The following KDM4B variants were observed in gnomAD, a reference collection of about 807,000 sequenced individuals.
KDM4B encodes lysine demethylase 4B, also known as lysine-specific demethylase 4B.
A neutral mutation model predicts 125.2 loss-of-function variants in KDM4B; 32 were observed. The ratio of observed to expected loss-of-function variants is 0.26; its 90% CI spans 0.19 to 0.34. The LOEUF (loss-of-function observed/expected upper bound fraction) is 0.34, where lower values mean the gene tolerates loss of function less well. Ranked by LOEUF, KDM4B falls within the 10% of genes least tolerant of loss-of-function variation. The probability of loss-of-function intolerance (pLI) is 1.00; values close to 1 mark genes in which losing one functional copy is unlikely to be tolerated. For missense variants in KDM4B, 1,190 were observed against 1,577.7 expected (o/e 0.75, Z 4.16); for synonymous variants, 721 against 677.9 (o/e 1.06, Z -0.99).
intron 22 of KDM4B, among the ~76,000 whole-genome samples, chr19:5,150,673 G>A (rs553562656): frequency 5.3e-5 from 8 of 152,248 alleles, no homozygotes; most frequent in Non-Finnish European, 1.2e-4. Flanking sequence ...GGGCGATGCC[G>A]TTAATGTGGG....
At chr19:5,002,932 CAG>C (rs927012395) in intron 1 of KDM4B, among the ~76,000 whole-genome samples, 20 of 152,268 alleles carry the variant, frequency 1.3e-4, no homozygotes, top group African/African-American at 4.8e-4. Context: ...GCCTGAGTGA[CAG>C]AGCGAGACCC....
chr19:5,060,508 C>T lies in KDM4B; in HGVS notation c.627-10502C>T, dbSNP rs1476652749. ...CAGCTGCAGTCCCTGTCTCTTCAGACCCTCTGTGCTCTTAGGAGACTGTCG... is the reference window on the plus strand; with the variant it reads ...CAGCTGCAGTCCCTGTCTCTTCAGATCCTCTGTGCTCTTAGGAGACTGTCG... On this transcript the variant is annotated intron_variant, in intron 6 of 22. Transcript: ENST00000159111. 3.3e-5 allele frequency among the ~76,000 whole-genome samples: 5 copies of T among 149,846 alleles called. No homozygotes were observed. In the South Asian group the frequency reaches 8.5e-4, roughly 25 times the overall value.
chr19:5,012,057 T>C (rs115685805), intron 1 of KDM4B, among the ~76,000 whole-genome samples: 353 of 152,324 alleles, frequency 2.3e-3, no homozygotes, highest in African/African-American at 8.0e-3. Flanking sequence ...TCCGATGCCT[T>C]GGGCTGTCAC....
chr19:5,138,744 C>T lies in KDM4B; in HGVS notation c.2550+674C>T, dbSNP rs376496611. Reference sequence around the variant, plus strand: ...GGTTCAGTACAGCATTCACCACGGGCCCAGTGGTGGGCAGCAGGGCTCTGC... The same window carrying T: ...GGTTCAGTACAGCATTCACCACGGGTCCAGTGGTGGGCAGCAGGGCTCTGC... On this transcript the variant is annotated intron_variant, in intron 18 of 22. Coordinates refer to ENST00000159111, the MANE Select transcript of KDM4B (RefSeq NM_015015.3). Among the ~76,000 whole-genome samples, 19 of 152,270 alleles carry T rather than the reference C, an allele frequency of 1.2e-4. 2 individuals carry two copies. Among genetic ancestry groups the T allele is most frequent in the South Asian group, 4.1e-4 (2 of 4,826 alleles).
At position 5,025,942 on chromosome 19, in the gene KDM4B, G is replaced by A. The variant is rs2036264327; in HGVS notation, c.-25-6924G>A. Among the ~76,000 whole-genome samples, 6 of 151,786 alleles carry A rather than the reference G, an allele frequency of 4.0e-5. 1 individual carries two copies. The highest frequency in any genetic ancestry group is 3.9e-4 in the Admixed American group (6 of 15,256). ...TCGTTGCCCAGGCTGGAGTGCAATG[G>A]CACTATCTCGGCTCAATGCAACCTC... On this transcript the variant is annotated intron_variant, in intron 2 of 22. Coordinates refer to ENST00000159111, the MANE Select transcript of KDM4B (RefSeq NM_015015.3).
chr19:4,976,205 C>T (rs564271601), intron 1 of KDM4B, among the ~76,000 whole-genome samples: 1 of 146,066 alleles, frequency 6.8e-6, no homozygotes, highest in South Asian at 2.2e-4. Context: ...GCTGAGATCA[C>T]GTCACTGCAC....
intron 6 of KDM4B, among the ~76,000 whole-genome samples, chr19:5,063,915 C>T (rs1210247272): frequency 1.3e-5 from 2 of 152,208 alleles, no homozygotes; most frequent in African/African-American, 2.4e-5. Flanking sequence ...CTTTAGCTGG[C>T]TCCGGGACTG....
At chr19:4,973,054 A>G (rs761807004) in intron 1 of KDM4B, among the ~76,000 whole-genome samples, 29 of 152,168 alleles carry the variant, frequency 1.9e-4, no homozygotes, top group Admixed American at 3.3e-4. Flanking sequence ...CCCAGTCACC[A>G]TAGCCCTGAC....
chr19:5,146,756 C>CA (rs1248201804), intron 21 of KDM4B, among the ~76,000 whole-genome samples: 2 of 62,526 alleles, frequency 3.2e-5, no homozygotes, highest in African/African-American at 6.9e-5. Flanking sequence ...GTGAGACCCC[C>CA]CCCCCCCCCA....
intron 9 of KDM4B, among the ~76,000 whole-genome samples, chr19:5,083,085 C>T (rs2038354377): frequency 6.6e-6 from 1 of 152,198 alleles, no homozygotes; most frequent in Admixed American, 6.5e-5. Context: ...CGTGGGAAGA[C>T]TCACAGTGAG....
chr19:5,070,866 C>T, intron 6 of KDM4B, 144 bp from the exon 7 acceptor site: 3 of 708,550 alleles, frequency 4.2e-6, no homozygotes, highest in Admixed American at 6.2e-5. Flanking sequence ...CCCCGGCCAT[C>T]CCCTCCACAC....
At chr19:5,108,042 G>A (rs1157976001) in intron 9 of KDM4B, among the ~76,000 whole-genome samples, 2 of 152,352 alleles carry the variant, frequency 1.3e-5, no homozygotes, top group East Asian at 3.9e-4. Context: ...CCTGGAGCAG[G>A]GGATGCATCT....
intron 9 of KDM4B, among the ~76,000 whole-genome samples, chr19:5,097,065 G>A (rs1214840838): frequency 3.3e-5 from 5 of 152,178 alleles, no homozygotes; most frequent in Admixed American, 6.5e-5. Flanking sequence ...AACAAGGCAC[G>A]TGCCCCATGG....
intron 10 of KDM4B, among the ~76,000 whole-genome samples, chr19:5,116,195 G>A (rs2039250842): frequency 8.1e-6 from 1 of 123,436 alleles, no homozygotes; most frequent in African/African-American, 3.1e-5. Flanking sequence ...GAGGCCCAGA[G>A]TTCGAGGTCA....
chr19:4,984,791 C>T (rs780969374), intron 1 of KDM4B, among the ~76,000 whole-genome samples: 6 of 152,106 alleles, frequency 3.9e-5, no homozygotes, highest in Non-Finnish European at 8.8e-5. Context: ...CAGAGGTGTC[C>T]CTGCTGTAAC....
rs1033273420 is a variant in KDM4B, at chr19:5,081,997, A to T, written c.781-370A>T. On this transcript the variant is annotated intron_variant, in intron 8 of 22. Transcript: ENST00000159111. The surrounding 1 kb of genome is among the most constrained non-coding windows in gnomAD (Gnocchi z 4.2). ...AAGCAGGAGGCCCCCATCGCTCCCC[A>T]TGAAGGTCCGGCTGGAGACACCCCC... Among the ~76,000 whole-genome samples, 2 of 152,072 alleles carry T rather than the reference A, an allele frequency of 1.3e-5. No individual in the cohort carries two copies. Among genetic ancestry groups the T allele is most frequent in the Non-Finnish European group, 2.9e-5 (2 of 67,992 alleles).
At chr19:4,973,496 A>G (rs2034331898) in intron 1 of KDM4B, among the ~76,000 whole-genome samples, 1 of 152,130 alleles carries the variant, frequency 6.6e-6, no homozygotes, top group South Asian at 2.1e-4. Context: ...GCCAAGTTGC[A>G]CATACTTTTA....
chr19:5,136,548 G>A lies in KDM4B; in HGVS notation c.2309-714G>A, dbSNP rs372790201. Among the ~76,000 whole-genome samples, 27 of 152,274 alleles carry A rather than the reference G, an allele frequency of 1.8e-4. No homozygotes were observed. In the South Asian group the frequency reaches 3.5e-3, roughly 20 times the overall value. On this transcript the variant is annotated intron_variant, in intron 15 of 22. Transcript: ENST00000159111. ...CCTGGGTTTGAGATGTGCCCCCGGGGCAGATGGGCTCCCTGGGGGAAGGGT... is the reference window on the plus strand; with the variant it reads ...CCTGGGTTTGAGATGTGCCCCCGGGACAGATGGGCTCCCTGGGGGAAGGGT...
In KDM4B at chr19:5,142,178, C is replaced by T. The variant is rs778264495; in HGVS notation, c.2551-1789C>T. 1.3e-5 allele frequency among the ~76,000 whole-genome samples: 2 copies of T among 152,238 alleles called. No homozygotes were observed. Among genetic ancestry groups the T allele is most frequent in the Admixed American group, 1.3e-4 (2 of 15,298 alleles). ...TGGCCTCCGAGGAAGGACACCGAGCCGGGAACTTCGAACCAAACACCAGTG... is the reference window on the plus strand; with the variant it reads ...TGGCCTCCGAGGAAGGACACCGAGCTGGGAACTTCGAACCAAACACCAGTG... On this transcript the variant is annotated intron_variant, in intron 18 of 22. Coordinates refer to ENST00000159111, the MANE Select transcript of KDM4B (RefSeq NM_015015.3). The surrounding 1 kb of genome is among the most constrained non-coding windows in gnomAD (Gnocchi z 5.4).
Sources: allele counts gnomAD v4.1 joint callset (sites outside exome capture counted in the v4.1 genomes callset), GRCh38; gene constraint gnomAD v4.1.1; non-coding constraint Gnocchi (gnomAD v3.1); transcripts MANE v1.5; gene names NCBI Gene and HGNC (gene_info 2026-07-23, HGNC 2026-07-21).